KAZN: variants seen among roughly 807,000 people sequenced by gnomAD.
KAZN encodes the protein kazrin.
KAZN carries 40 observed loss-of-function variants against 87.4 expected under a neutral mutation model. The ratio of observed to expected loss-of-function variants is 0.46; its 90% CI spans 0.36 to 0.60. The LOEUF is 0.60. Among genes scored for constraint, KAZN ranks in the 20% least tolerant of loss-of-function variants. The probability of loss-of-function intolerance (pLI) is 0.00; values close to 1 mark genes in which losing one functional copy is unlikely to be tolerated. For missense variants in KAZN, 898 were observed against 1,073.9 expected, an observed-to-expected ratio of 0.84 and a Z score of 2.29; for synonymous variants, 466 against 458.3, an observed-to-expected ratio of 1.02 and a Z score of -0.22.
At chr1:14,730,846 T>C (rs1021710082) in intron 1 of KAZN, among the ~76,000 whole-genome samples, 17 of 152,160 alleles carry the variant, frequency 1.1e-4, no homozygotes, top group African/African-American at 3.6e-4. Flanking sequence ...CAGGTGGCTC[T>C]AATCTCATCT....
chr1:14,574,375 T>G (rs905899559), intron 2 of KAZN, among the ~76,000 whole-genome samples: 2 of 152,184 alleles, frequency 1.3e-5, no homozygotes, highest in Non-Finnish European at 2.9e-5. Context: ...GAATTGTAGC[T>G]CCCATAATTC....
intron 1 of KAZN, among the ~76,000 whole-genome samples, chr1:14,855,407 C>T (rs534236782): frequency 1.1e-4 from 17 of 152,282 alleles, no homozygotes; most frequent in African/African-American, 4.1e-4. Context: ...CCAGCTCTGC[C>T]CAACACCACC....
At chr1:13,982,388 G>C (rs1638772037) in intron 1 of KAZN, among the ~76,000 whole-genome samples, 1 of 152,186 alleles carries the variant, frequency 6.6e-6, no homozygotes, top group Non-Finnish European at 1.5e-5. Context: ...CTTCCTTCTG[G>C]TGGGTTCGTG....
rs1364961726 is a variant in KAZN, at chr1:15,056,925, C to T, written c.916+645C>T. ...CAGGCCACCTTGCTCTGTTCTCTGT[C>T]CCTTCTGCAAGTAGTTGCCCTTATG... On this transcript the variant is annotated intron_variant, in intron 5 of 14. Coordinates refer to ENST00000376030, the MANE Select transcript of KAZN (RefSeq NM_201628.3). This position sits in a 1 kb window ranked among gnomAD's most constrained non-coding sequence, Gnocchi z 5.4. 6.6e-6 allele frequency among the ~76,000 whole-genome samples: 1 copy of T among 152,260 alleles called. No individual in the cohort carries two copies. Among genetic ancestry groups the T allele is most frequent in the Non-Finnish European group, 1.5e-5 (1 of 68,048 alleles).
At chr1:14,870,096 A>T (rs2101054386) in intron 1 of KAZN, among the ~76,000 whole-genome samples, 1 of 152,338 alleles carries the variant, frequency 6.6e-6, no homozygotes. Flanking sequence ...GTATCTGTCC[A>T]GGAGCACTGG....
intron 1 of KAZN, among the ~76,000 whole-genome samples, chr1:14,844,220 C>A (rs1221913823): frequency 6.6e-6 from 1 of 152,184 alleles, no homozygotes; most frequent in Non-Finnish European, 1.5e-5. Flanking sequence ...TAGGAAAGCT[C>A]CTGCCCTAGC....
chr1:14,572,647 G>A (rs1360005295), intron 2 of KAZN, among the ~76,000 whole-genome samples: 2 of 152,282 alleles, frequency 1.3e-5, no homozygotes, highest in Admixed American at 6.5e-5. Flanking sequence ...GTCGCATTGA[G>A]CCTATTCCTG....
rs1639836962 is a variant in KAZN at position 14,002,444 on chromosome 1, C to T, written c.91+108688C>T. 1.3e-5 allele frequency among the ~76,000 whole-genome samples: 2 copies of T among 152,178 alleles called. 1 individual carries two copies. Among genetic ancestry groups the T allele is most frequent in the South Asian group, 4.1e-4 (2 of 4,830 alleles). On this transcript the variant is annotated intron_variant, in intron 1 of 16. Coordinates refer to the KAZN transcript ENST00000636203. ...CAAGATCTGATGGGTTTATCAGGGGCTTTTGCTTCTTCCTCATTTTCTCTT... is the reference window on the plus strand; with the variant it reads ...CAAGATCTGATGGGTTTATCAGGGGTTTTTGCTTCTTCCTCATTTTCTCTT...
intron 1 of KAZN, among the ~76,000 whole-genome samples, chr1:14,910,062 AATG>A (rs1037330571): frequency 2.8e-4 from 4 of 14,072 alleles, no homozygotes; most frequent in Non-Finnish European, 8.7e-4. Context: ...ATAAATAAAT[AATG>A]AATGAATGAA....
chr1:14,163,876 C>T (rs1279323012), intron 1 of KAZN, among the ~76,000 whole-genome samples: 1 of 152,184 alleles, frequency 6.6e-6, no homozygotes, highest in African/African-American at 2.4e-5. Context: ...AACCTTCTGT[C>T]CTCTACTTTA....
At chr1:14,852,410 C>T (rs1013395530) in intron 1 of KAZN, among the ~76,000 whole-genome samples, 1 of 152,212 alleles carries the variant, frequency 6.6e-6, no homozygotes, top group African/African-American at 2.4e-5. Flanking sequence ...CAGACGGTGC[C>T]AGGCCTGCGA....
At chr1:14,997,207 T>TCA in intron 2 of KAZN, among the ~76,000 whole-genome samples, 1 of 4,398 alleles carries the variant, frequency 2.3e-4, no homozygotes, top group South Asian at 5.7e-3. Flanking sequence ...TTTCTTTCAT[T>TCA]TATTTATTTA....
At chr1:13,917,130 C>A (rs1229821785) in intron 1 of KAZN, among the ~76,000 whole-genome samples, 1 of 152,120 alleles carries the variant, frequency 6.6e-6, no homozygotes, top group African/African-American at 2.4e-5. Flanking sequence ...GTGTGTAATA[C>A]AAATTTCATT....
At chr1:14,492,357 C>T (rs1422160314) in intron 2 of KAZN, among the ~76,000 whole-genome samples, 2 of 152,036 alleles carry the variant, frequency 1.3e-5, no homozygotes, top group Admixed American at 1.3e-4. Flanking sequence ...TTTTCCCTGC[C>T]TCCTCGTGGC....
At chr1:14,309,528 T>C (rs760176374) in intron 2 of KAZN, among the ~76,000 whole-genome samples, 25 of 152,286 alleles carry the variant, frequency 1.6e-4, no homozygotes, top group Admixed American at 7.8e-4. Context: ...TTGATTCTAA[T>C]GCTACAGGAA....
intron 1 of KAZN, among the ~76,000 whole-genome samples, chr1:14,827,856 A>G (rs183656601): frequency 3.3e-5 from 5 of 152,360 alleles, no homozygotes; most frequent in Admixed American, 3.3e-4. Context: ...AGGAGCCCCT[A>G]ACTTGGGGTT....
intron 2 of KAZN, among the ~76,000 whole-genome samples, chr1:14,568,948 A>G (rs1473121112): frequency 6.6e-6 from 1 of 152,180 alleles, no homozygotes; most frequent in Non-Finnish European, 1.5e-5. Flanking sequence ...TGGGGAAATT[A>G]AGGCAGTTAC....
chr1:14,514,593 TTTTATATATATA>T (rs1473777909), intron 2 of KAZN, among the ~76,000 whole-genome samples: 1 of 28,264 alleles, frequency 3.5e-5, no homozygotes, highest in African/African-American at 1.1e-4. Flanking sequence ...TTTTTTTATA[TTTTATATATATA>T]TATATATATA....
At chr1:14,557,612 C>G (rs1314448587) in intron 2 of KAZN, among the ~76,000 whole-genome samples, 1 of 143,232 alleles carries the variant, frequency 7.0e-6, no homozygotes, top group Non-Finnish European at 1.5e-5. Flanking sequence ...AGAAACAAAA[C>G]CAATAGGGTG....
Sources: gnomAD v4.1 joint callset for allele counts (sites outside exome capture counted in the v4.1 genomes callset) on GRCh38, gnomAD v4.1.1 for gene constraint, Gnocchi (gnomAD v3.1) non-coding constraint, MANE v1.5 for transcripts, NCBI Gene and HGNC (gene_info 2026-07-23, HGNC 2026-07-21) for gene names.